Variants in SPMIP6 observed in about 807,000 individuals in gnomAD.
The protein encoded by SPMIP6 is ciliated bronchial epithelial protein 1.
At chr9:34,379,717 G>A in the SPMIP6 span, 1 of 1,614,004 alleles carries the variant, frequency 6.2e-7, no homozygotes. The surrounding 1 kb of genome is among the most constrained non-coding windows in gnomAD (Gnocchi z 4.2). Context: ...GCCGGTGCTC[G>A]TAGGGAGGTA....
the SPMIP6 span, chr9:34,379,286 C>G: frequency 2.7e-6 from 2 of 741,032 alleles, no homozygotes; most frequent in Non-Finnish European, 4.8e-6. This position sits in a 1 kb window ranked among gnomAD's most constrained non-coding sequence, Gnocchi z 4.2. Context: ...GTCTATAGCA[C>G]TGACCTTGGG....
chr9:34,382,187 A>G, the SPMIP6 span, among the ~76,000 whole-genome samples: 1 of 152,164 alleles, frequency 6.6e-6, no homozygotes, highest in Non-Finnish European at 1.5e-5. Context: ...TCATGTCCCT[A>G]CAGAGCCCAG....
the SPMIP6 span, chr9:34,381,101 G>A: frequency 1.9e-6 from 3 of 1,607,912 alleles, no homozygotes; most frequent in Non-Finnish European, 2.5e-6. This position sits in a 1 kb window ranked among gnomAD's most constrained non-coding sequence, Gnocchi z 4.4. Flanking sequence ...CCGCGACAGT[G>A]AGTTCAGCAT....
the SPMIP6 span, chr9:34,379,614 T>G: frequency 7.6e-6 from 12 of 1,588,614 alleles, no homozygotes; most frequent in Non-Finnish European, 1.0e-5. This position sits in a 1 kb window ranked among gnomAD's most constrained non-coding sequence, Gnocchi z 4.2. Context: ...TCAGGGTGCG[T>G]GTGCAAATGA....
At chr9:34,387,211 G>A in the SPMIP6 span, among the ~76,000 whole-genome samples, 1 of 152,040 alleles carries the variant, frequency 6.6e-6, no homozygotes, top group African/African-American at 2.4e-5. Flanking sequence ...ATGTTGCCCA[G>A]GCTGGTCTTG....
At chr9:34,380,162 A>G in the SPMIP6 span, among the ~76,000 whole-genome samples, 25 of 152,172 alleles carry the variant, frequency 1.6e-4, no homozygotes, top group South Asian at 2.7e-3. Context: ...CTCGGCCTGG[A>G]GAGGGGCGGG....
the SPMIP6 span, chr9:34,379,873 A>G: frequency 2.0e-5 from 13 of 638,790 alleles, no homozygotes; most frequent in East Asian, 1.7e-4. This position sits in a 1 kb window ranked among gnomAD's most constrained non-coding sequence, Gnocchi z 4.2. Context: ...CTCACCCTTC[A>G]AAACCCCCAC....
chr9:34,382,493 C>A, the SPMIP6 span, among the ~76,000 whole-genome samples: 1 of 151,700 alleles, frequency 6.6e-6, no homozygotes, highest in East Asian at 1.9e-4. Context: ...TGTGAGGTAG[C>A]AGAATTGCTT....
the SPMIP6 span, among the ~76,000 whole-genome samples, chr9:34,386,014 G>A: frequency 6.6e-6 from 1 of 152,162 alleles, no homozygotes; most frequent in African/African-American, 2.4e-5. Flanking sequence ...GGGGCCGAGC[G>A]GTGGCCTTAC....
At chr9:34,390,678 A>T in the SPMIP6 span, among the ~76,000 whole-genome samples, 1 of 151,980 alleles carries the variant, frequency 6.6e-6, no homozygotes, top group Non-Finnish European at 1.5e-5. Flanking sequence ...GTATACTTTT[A>T]TTTTCTTATA....
the SPMIP6 span, chr9:34,382,597 A>T: frequency 8.0e-6 from 5 of 623,414 alleles, no homozygotes; most frequent in South Asian, 7.9e-5. Context: ...AAAAAAAAAA[A>T]ATACAAACTC....
chr9:34,382,691 T>C, the SPMIP6 span: 1 of 1,009,754 alleles, frequency 9.9e-7, no homozygotes, highest in East Asian at 2.4e-5. Flanking sequence ...TCACTGTAGT[T>C]TGGGAGGTGG....
At chr9:34,379,748 G>GC in the SPMIP6 span, 8 of 1,606,908 alleles carry the variant, frequency 5.0e-6, no homozygotes, top group Non-Finnish European at 6.0e-6. The surrounding 1 kb of genome is among the most constrained non-coding windows in gnomAD (Gnocchi z 4.2). Flanking sequence ...GAAGGAGGAA[G>GC]CCGCGAGCAT....
At chr9:34,395,680 C>G in the SPMIP6 span, among the ~76,000 whole-genome samples, 8 of 152,308 alleles carry the variant, frequency 5.3e-5, no homozygotes, top group African/African-American at 1.9e-4. Flanking sequence ...TGCCAAACAT[C>G]TTTTCCTGGA....
At chr9:34,379,923 C>T in the SPMIP6 span, 6 of 559,864 alleles carry the variant, frequency 1.1e-5, no homozygotes, top group African/African-American at 1.1e-4. The surrounding 1 kb of genome is among the most constrained non-coding windows in gnomAD (Gnocchi z 4.2). Context: ...AAGACTCCCT[C>T]CCGGCAAGGC....
At chr9:34,379,502 A>G in the SPMIP6 span, 4 of 780,642 alleles carry the variant, frequency 5.1e-6, no homozygotes, top group Non-Finnish European at 6.7e-6. This position sits in a 1 kb window ranked among gnomAD's most constrained non-coding sequence, Gnocchi z 4.2. Context: ...TGACTGCTCC[A>G]TGCCACTAGC....
the SPMIP6 span, chr9:34,379,706 G>C: frequency 6.2e-7 from 1 of 1,614,104 alleles, no homozygotes; most frequent in South Asian, 1.1e-5. This position sits in a 1 kb window ranked among gnomAD's most constrained non-coding sequence, Gnocchi z 4.2. Flanking sequence ...CTGCATTCCG[G>C]GCCGGTGCTC....
the SPMIP6 span, among the ~76,000 whole-genome samples, chr9:34,389,258 C>G: frequency 1.2e-4 from 19 of 152,058 alleles, no homozygotes; most frequent in Non-Finnish European, 2.8e-4. Flanking sequence ...CTTGATGAAC[C>G]TCTTCTTGTG....
At chr9:34,388,159 A>G in the SPMIP6 span, among the ~76,000 whole-genome samples, 5 of 121,478 alleles carry the variant, frequency 4.1e-5, no homozygotes, top group Admixed American at 8.4e-5. Context: ...TTTTTTTTTT[A>G]GATGGAGTTT....
Sources: allele counts gnomAD v4.1 joint callset (sites outside exome capture counted in the v4.1 genomes callset), GRCh38; gene constraint gnomAD v4.1.1; non-coding constraint Gnocchi (gnomAD v3.1); transcripts MANE v1.5; gene names NCBI Gene and HGNC (gene_info 2026-07-23, HGNC 2026-07-21).